NPSR1: variants seen among roughly 807,000 people sequenced by gnomAD.
NPSR1 encodes neuropeptide S receptor.
Under a neutral mutation model 46.9 loss-of-function variants are expected in NPSR1, and 48 were observed. The observed-to-expected ratio is 1.02, with a 90% CI of 0.81 to 1.30. The LOEUF (loss-of-function observed/expected upper bound fraction) is 1.30. Among genes scored for constraint, NPSR1 ranks in the 50% most tolerant of loss-of-function variants. The pLI is 0.00. For synonymous variants in NPSR1, 176 were observed against 168.1 expected (o/e 1.05, Z -0.36); for missense variants, 450 against 449.5 (o/e 1.00, Z -0.01).
intron 4 of NPSR1, among the ~76,000 whole-genome samples, chr7:34,825,963 G>T (rs1041785675): frequency 1.3e-5 from 2 of 152,164 alleles, no homozygotes; most frequent in African/African-American, 4.8e-5. Flanking sequence ...GACTTAACTT[G>T]AAATCTTCTT....
At chr7:34,701,270 C>A (rs1330414615) in intron 2 of NPSR1, among the ~76,000 whole-genome samples, 1 of 152,200 alleles carries the variant, frequency 6.6e-6, no homozygotes, top group Non-Finnish European at 1.5e-5. Context: ...ATTCAATTGC[C>A]ATATATCCTC....
At chr7:34,680,868 G>C (rs1792592934) in intron 1 of NPSR1, among the ~76,000 whole-genome samples, 1 of 151,556 alleles carries the variant, frequency 6.6e-6, no homozygotes, top group African/African-American at 2.4e-5. Flanking sequence ...AATCAGGTTA[G>C]AGGTAATTTC....
chr7:34,736,442 G>A (rs1304254697), intron 2 of NPSR1, among the ~76,000 whole-genome samples: 1 of 151,702 alleles, frequency 6.6e-6, no homozygotes, highest in African/African-American at 2.4e-5. Context: ...CCTTCACCCT[G>A]CCTCTTTTCA....
chr7:34,674,013 G>A (rs2128676539), intron 1 of NPSR1, among the ~76,000 whole-genome samples: 1 of 152,270 alleles, frequency 6.6e-6, no homozygotes, highest in South Asian at 2.1e-4. Flanking sequence ...TGATAGCAGG[G>A]GAGTGGAGGA....
intron 2 of NPSR1, among the ~76,000 whole-genome samples, chr7:34,739,617 C>T (rs894060801): frequency 6.6e-6 from 1 of 152,182 alleles, no homozygotes; most frequent in Non-Finnish European, 1.5e-5. Flanking sequence ...GTAGTACTCT[C>T]CCCACTTTTC....
intron 2 of NPSR1, among the ~76,000 whole-genome samples, chr7:34,735,063 C>A (rs1245254799): frequency 1.3e-5 from 2 of 152,146 alleles, no homozygotes; most frequent in African/African-American, 2.4e-5. Context: ...CATAAGATAA[C>A]CCTGGTTAAG....
intron 2 of NPSR1, among the ~76,000 whole-genome samples, chr7:34,697,328 G>C (rs1008468316): frequency 4.6e-5 from 7 of 151,986 alleles, no homozygotes; most frequent in African/African-American, 1.7e-4. Context: ...TGTCAAGGAG[G>C]TGTGTTAAAA....
At chr7:34,873,686 A>AG (rs577336277) in intron 8 of NPSR1, among the ~76,000 whole-genome samples, 359 of 151,778 alleles carry the variant, frequency 2.4e-3, no homozygotes, top group Middle Eastern at 6.8e-3. Flanking sequence ...TTCATGAGGG[A>AG]GCCACCTCCT....
chr7:34,850,053 T>A (rs1790888450), downstream of NPSR1: 1 of 918,788 alleles, frequency 1.1e-6, no homozygotes, highest in Non-Finnish European at 1.3e-6. Context: ...ATAAAAGACT[T>A]AATTAAGCCC....
intron 1 of NPSR1, among the ~76,000 whole-genome samples, chr7:34,664,391 C>T (rs866850378): frequency 9.2e-5 from 14 of 152,228 alleles, no homozygotes; most frequent in Middle Eastern, 6.8e-3. Context: ...CAGCAAGCGG[C>T]CCCCAGGAGT....
chr7:34,847,407 AG>A (rs200129828), intron 7 of NPSR1, among the ~76,000 whole-genome samples: 1,876 of 152,132 alleles, frequency 0.012, 19 homozygotes, highest in Non-Finnish European at 0.02. Context: ...AAAATGAGAG[AG>A]AGAGAGAGAG....
chr7:34,676,392 T>A (rs1226446775), intron 1 of NPSR1, among the ~76,000 whole-genome samples: 1 of 152,322 alleles, frequency 6.6e-6, no homozygotes, highest in East Asian at 1.9e-4. Context: ...GTCAGGTTGC[T>A]TTCAAAGCCT....
intron 1 of NPSR1, among the ~76,000 whole-genome samples, chr7:34,673,776 T>C (rs1792175737): frequency 6.6e-6 from 1 of 152,212 alleles, no homozygotes; most frequent in South Asian, 2.1e-4. Context: ...CACATTTATA[T>C]GTAGCTGTAT....
At chr7:34,776,793 G>C (rs1786978545) in intron 2 of NPSR1, among the ~76,000 whole-genome samples, 1 of 152,126 alleles carries the variant, frequency 6.6e-6, no homozygotes, top group Admixed American at 6.6e-5. Context: ...ATGTTGCCAG[G>C]ACTATGTCCT....
At position 34,829,960 on chromosome 7, in the gene NPSR1, C is replaced by T. The variant is rs144357511; in HGVS notation, c.680+2358C>T. ...CTTCTCTGAAGCATTTCCTACCTGACAAGAGGCTCCTCTTCCATCACCTTC... is the reference window on the plus strand; with the variant it reads ...CTTCTCTGAAGCATTTCCTACCTGATAAGAGGCTCCTCTTCCATCACCTTC... On this transcript the variant is annotated intron_variant, in intron 5 of 8. Transcript: ENST00000360581. Among the ~76,000 whole-genome samples the T allele has an allele frequency of 2.2e-3, 341 of 152,330 alleles. 1 individual carries two copies. Among genetic ancestry groups the T allele is most frequent in the Admixed American group, 4.5e-3 (69 of 15,302 alleles).
downstream of NPSR1, among the ~76,000 whole-genome samples, chr7:34,850,818 T>C (rs1360364712): frequency 1.3e-5 from 2 of 152,170 alleles, no homozygotes; most frequent in Non-Finnish European, 2.9e-5. Context: ...ACACTCTCTT[T>C]AGTTAGGAGC....
chr7:34,684,731 C>T, intron 2 of NPSR1, 47 bp downstream of exon 2: 1 of 1,438,126 alleles, frequency 7.0e-7, no homozygotes, highest in Non-Finnish European at 9.3e-7. Context: ...TGTGAAGTCC[C>T]TATGGCTTCC....
At chr7:34,844,767 G>C (rs1790687407) in intron 6 of NPSR1, 129 bp from the exon 7 acceptor site, 1 of 679,438 alleles carries the variant, frequency 1.5e-6, no homozygotes, top group Non-Finnish European at 2.7e-6. Context: ...TCCAAGGAAG[G>C]CCATCTGGGC....
intron 8 of NPSR1, among the ~76,000 whole-genome samples, chr7:34,858,300 G>A (rs1244268130): frequency 1.3e-5 from 2 of 151,650 alleles, no homozygotes; most frequent in African/African-American, 4.9e-5. Flanking sequence ...CTTATTAGCA[G>A]TAGAATAGAT....
Sources: allele counts gnomAD v4.1 joint callset (sites outside exome capture counted in the v4.1 genomes callset), GRCh38; gene constraint gnomAD v4.1.1; transcripts MANE v1.5; gene names NCBI Gene and HGNC (gene_info 2026-07-23, HGNC 2026-07-21).